ZNF600: variants seen among roughly 807,000 people sequenced by gnomAD.
ZNF600 encodes the protein zinc finger protein KR-ZNF1.
A neutral mutation model predicts 7.3 loss-of-function variants in ZNF600; 4 were observed. The observed-to-expected ratio is 0.55, with a 90% CI of 0.27 to 1.25. ZNF600 has a LOEUF of 1.25. ZNF600 is among the 50% of genes most tolerant of loss of function. The pLI is 0.12. For synonymous variants in ZNF600, 290 were observed against 308.9 expected (o/e 0.94, Z 0.64); for missense variants, 911 against 922.1 (o/e 0.99, Z 0.16).
chr19:52,820,891 T>C, the ZNF600 span, among the ~76,000 whole-genome samples: 1 of 152,106 alleles, frequency 6.6e-6, no homozygotes, highest in Admixed American at 6.5e-5. Flanking sequence ...GGTTTTCTAC[T>C]GCTCTCTTAG....
chr19:52,826,633 GAGGC>G, the ZNF600 span, among the ~76,000 whole-genome samples: 1 of 152,054 alleles, frequency 6.6e-6, no homozygotes, highest in African/African-American at 2.4e-5. Flanking sequence ...TTGAACCCGG[GAGGC>G]AGAGGTTGCA....
chr19:52,801,803 T>C, the ZNF600 span: 1 of 1,140,436 alleles, frequency 8.8e-7, no homozygotes, highest in African/African-American at 1.5e-5. Context: ...ATTTTAAACT[T>C]CCCAAACATG....
At chr19:52,824,124 C>T in the ZNF600 span, among the ~76,000 whole-genome samples, 2 of 151,684 alleles carry the variant, frequency 1.3e-5, no homozygotes, top group African/African-American at 4.8e-5. Flanking sequence ...GGCGCAGTGG[C>T]TCATGCCTGA....
the ZNF600 span, among the ~76,000 whole-genome samples, chr19:52,824,834 C>G: frequency 6.6e-6 from 1 of 151,924 alleles, no homozygotes; most frequent in Non-Finnish European, 1.5e-5. Flanking sequence ...CGTGGATGAT[C>G]CCAAGAAATT....
chr19:52,803,421 A>G, the ZNF600 span, among the ~76,000 whole-genome samples: 2 of 152,192 alleles, frequency 1.3e-5, no homozygotes, highest in African/African-American at 4.8e-5. Flanking sequence ...GTTATATTGC[A>G]TACCACATAC....
the ZNF600 span, chr19:52,809,831 C>CGGCGGCGGT: frequency 4.9e-4 from 272 of 554,790 alleles, 1 homozygote; most frequent in East Asian, 7.2e-3. Flanking sequence ...AAGGCGGCGG[C>CGGCGGCGGT]GGCGGCGGTG....
At chr19:52,811,411 G>C in the ZNF600 span, among the ~76,000 whole-genome samples, 1 of 143,354 alleles carries the variant, frequency 7.0e-6, no homozygotes, top group Non-Finnish European at 1.5e-5. Flanking sequence ...AGTGAGGAGC[G>C]TCTCTGCCCG....
intron 1 of ZNF600, among the ~76,000 whole-genome samples, chr19:52,784,304 A>T (rs2062747179): frequency 6.6e-6 from 1 of 152,116 alleles, no homozygotes; most frequent in Non-Finnish European, 1.5e-5. Flanking sequence ...TACTAGAGAG[A>T]CTGAGGGAGG....
At chr19:52,809,536 G>A in the ZNF600 span, among the ~76,000 whole-genome samples, 1 of 152,166 alleles carries the variant, frequency 6.6e-6, no homozygotes, top group African/African-American at 2.4e-5. Flanking sequence ...GGCCTGGCGC[G>A]GTGGCTCACG....
chr19:52,805,980 C>T, the ZNF600 span: 4 of 151,930 alleles, frequency 2.6e-5, no homozygotes, highest in Non-Finnish European at 4.4e-5. Context: ...AACTCAGTCT[C>T]ATAAATACAT....
chr19:52,782,671 A>G (rs992906444), intron 1 of ZNF600, among the ~76,000 whole-genome samples: 1 of 152,222 alleles, frequency 6.6e-6, no homozygotes, highest in Non-Finnish European at 1.5e-5. Context: ...CATGAATTCA[A>G]GACCAGCCTG....
At chr19:52,817,920 A>T in the ZNF600 span, 1 of 1,608,894 alleles carries the variant, frequency 6.2e-7, no homozygotes, top group Non-Finnish European at 8.5e-7. Context: ...GAGACAGAGC[A>T]ATCCACCGAG....
chr19:52,777,192 T>C (rs1210842484), intron 2 of ZNF600, among the ~76,000 whole-genome samples: 1 of 151,228 alleles, frequency 6.6e-6, no homozygotes, highest in Non-Finnish European at 1.5e-5. Context: ...GCCTGACCAA[T>C]ACGGTGAAAC....
chr19:52,825,725 C>T, the ZNF600 span, among the ~76,000 whole-genome samples: 2 of 151,984 alleles, frequency 1.3e-5, no homozygotes, highest in East Asian at 1.9e-4. Context: ...GTGGCTCATG[C>T]CTGTAATCCC....
chr19:52,811,334 C>T, the ZNF600 span, among the ~76,000 whole-genome samples: 3 of 149,148 alleles, frequency 2.0e-5, no homozygotes, highest in South Asian at 2.1e-4. Context: ...AAGTGAGGAG[C>T]GACTCTGCCT....
At chr19:52,769,229 GAC>G (rs2062613465) in intron 3 of ZNF600, among the ~76,000 whole-genome samples, 1 of 152,116 alleles carries the variant, frequency 6.6e-6, no homozygotes, top group Non-Finnish European at 1.5e-5. Context: ...CGGAGGGCCT[GAC>G]ATCAGTCAGG....
chr19:52,809,191 TAGA>T, the ZNF600 span, among the ~76,000 whole-genome samples: 2 of 152,212 alleles, frequency 1.3e-5, no homozygotes, highest in Admixed American at 6.5e-5. Flanking sequence ...TGCCCCATCC[TAGA>T]AGAAGCAATC....
exon 3 of ZNF600, chr19:52,774,656 C>T: frequency 1.0e-6 from 1 of 985,368 alleles, no homozygotes; most frequent in South Asian, 4.7e-5. Context: ...CATTTCCACT[C>T]TGCCAATGAG....
intron 3 of ZNF600, among the ~76,000 whole-genome samples, chr19:52,772,056 T>C (rs1030894224): frequency 6.6e-6 from 1 of 152,242 alleles, no homozygotes; most frequent in Non-Finnish European, 1.5e-5. Flanking sequence ...AGCCATCTAA[T>C]AGTATTCACT....
Sources: allele counts gnomAD v4.1 joint callset (sites outside exome capture counted in the v4.1 genomes callset), GRCh38; gene constraint gnomAD v4.1.1; transcripts MANE v1.5; gene names NCBI Gene and HGNC (gene_info 2026-07-23, HGNC 2026-07-21).